The following ST14 variants were observed in gnomAD, a reference collection of about 807,000 sequenced individuals.
The protein encoded by ST14 is suppressor of tumorigenicity 14 protein.
Under a neutral mutation model 96.5 loss-of-function variants are expected in ST14, and 40 were observed. That is an observed-to-expected ratio of 0.41 (90% confidence interval 0.32 to 0.54). The LOEUF is 0.54. ST14 is among the 20% of genes least tolerant of loss of function. The pLI, the probability that ST14 is intolerant of heterozygous loss-of-function variation, is 0.17. For synonymous variants in ST14, 506 were observed against 492.1 expected (o/e 1.03, Z -0.37); for missense variants, 1,066 against 1,188.9 (o/e 0.90, Z 1.52).
intron 8 of ST14, 114 bp from the exon 9 acceptor site, chr11:130,194,526 G>T: frequency 8.2e-7 from 1 of 1,212,784 alleles, no homozygotes; most frequent in Admixed American, 1.9e-5. Flanking sequence ...CACCTGCTGT[G>T]CAGCATCCAC....
At position 130,209,891 on chromosome 11, in the gene ST14, C is replaced by A. The variant is rs1266181849; in HGVS notation, c.*68C>A. On this transcript the variant is annotated 3_prime_UTR_variant, in exon 19 of 19. Transcript: ENST00000278742. ...TCGTCCACCCCAGTGTGCACGCCTGCAGGCTGGAGACTGGACCGCTGACTG... is the reference window on the plus strand; with the variant it reads ...TCGTCCACCCCAGTGTGCACGCCTGAAGGCTGGAGACTGGACCGCTGACTG... 1 of 1,581,988 alleles carries A rather than the reference C, an allele frequency of 6.3e-7. No homozygotes were observed. The highest frequency in any genetic ancestry group is 8.6e-7 in the Non-Finnish European group (1 of 1,162,302).
chr11:130,197,471 G>A (rs1034988036), intron 11 of ST14, among the ~76,000 whole-genome samples: 5 of 152,288 alleles, frequency 3.3e-5, no homozygotes, highest in Admixed American at 6.5e-5. Flanking sequence ...CCAGCTGAGC[G>A]TCACAGGCGG....
chr11:130,201,374 C>A (rs190107100), intron 16 of ST14, among the ~76,000 whole-genome samples: 4 of 152,376 alleles, frequency 2.6e-5, no homozygotes, highest in Admixed American at 2.6e-4. Context: ...CCATGGTAGG[C>A]AGCTCCAGGA....
chr11:130,172,276 A>G (rs776744437), intron 1 of ST14, among the ~76,000 whole-genome samples: 20 of 151,072 alleles, frequency 1.3e-4, no homozygotes, highest in Admixed American at 6.6e-5. Flanking sequence ...AATTTTTTTA[A>G]AAAATTTTTG....
chr11:130,198,000 G>C (rs985353982), intron 12 of ST14, 55 bp downstream of exon 12: 1 of 1,493,848 alleles, frequency 6.7e-7, no homozygotes, highest in Non-Finnish European at 9.1e-7. Context: ...CCCTGCCCGC[G>C]TCCCATGGCC....
chr11:130,202,087 C>T (rs1352067002), intron 16 of ST14, among the ~76,000 whole-genome samples: 1 of 152,210 alleles, frequency 6.6e-6, no homozygotes, highest in Admixed American at 6.5e-5. Flanking sequence ...TTAGTGTGTT[C>T]ATTGTCACCA....
At chr11:130,192,635 G>T (rs1170212656) in intron 7 of ST14, among the ~76,000 whole-genome samples, 3 of 152,134 alleles carry the variant, frequency 2.0e-5, no homozygotes, top group East Asian at 1.9e-4. Flanking sequence ...CAGGCAATCT[G>T]CCTGCCTTGG....
At chr11:130,175,517 T>C (rs1249165986) in intron 1 of ST14, among the ~76,000 whole-genome samples, 40 of 139,642 alleles carry the variant, frequency 2.9e-4, no homozygotes, top group Middle Eastern at 9.0e-3. Context: ...GTAGCTGGGA[T>C]TACAGGCATG....
rs927521280 is a variant in ST14, at chr11:130,190,150, T to C, written c.634+2T>C. ...AAACAGTACAGAGGACCCAGGACAG[T>C]AAGTATCGTGCCCGCCTCCTCTTCT... On this transcript the variant is annotated splice_donor_variant, in intron 6 of 18. Coordinates refer to ENST00000278742, the MANE Select transcript of ST14 (RefSeq NM_021978.4). LOFTEE classifies it high-confidence loss of function. The C allele has an allele frequency of 6.2e-7, 1 of 1,614,184 alleles. No individual in the cohort carries two copies.
chr11:130,204,996 G>T (rs990496995), intron 16 of ST14, among the ~76,000 whole-genome samples: 3 of 152,044 alleles, frequency 2.0e-5, no homozygotes, highest in African/African-American at 7.3e-5. Context: ...AAAATGAAGC[G>T]GGTCTTCATG....
chr11:130,200,597 G>T (rs1953417856), intron 16 of ST14, among the ~76,000 whole-genome samples: 1 of 152,120 alleles, frequency 6.6e-6, no homozygotes, highest in African/African-American at 2.4e-5. Context: ...CCAACACTGG[G>T]GATCCCATTT....
Position 130,209,987 on chromosome 11 carries a change from G to A in ST14, c.*164G>A. Reference sequence around the variant, plus strand: ...TCCAAATCTGCCTAGAAAACCTCTCGCTTCCTCAGCCTCCAAAGTGGAGCT... The same window carrying A: ...TCCAAATCTGCCTAGAAAACCTCTCACTTCCTCAGCCTCCAAAGTGGAGCT... On this transcript the variant is annotated 3_prime_UTR_variant, in exon 19 of 19. Coordinates refer to ENST00000278742, the MANE Select transcript of ST14 (RefSeq NM_021978.4). 3 of 854,042 alleles carry A rather than the reference G, an allele frequency of 3.5e-6. No homozygotes were observed. Among genetic ancestry groups the A allele is most frequent in the Non-Finnish European group, 5.3e-6 (3 of 565,284 alleles). The allele number at this position is 854,042 out of a possible 1,614,324, so 52.9% of individuals were successfully genotyped here.
chr11:130,203,446 C>T (rs183330461), intron 16 of ST14, among the ~76,000 whole-genome samples: 19 of 152,304 alleles, frequency 1.2e-4, no homozygotes, highest in African/African-American at 3.4e-4. Flanking sequence ...CTGCACCACT[C>T]GAGCCCAGAG....
rs7951683 is a variant in ST14, at chr11:130,191,460, C to T, written c.875+766C>T. On this transcript the variant is annotated intron_variant, in intron 7 of 18. Transcript: ENST00000278742. ...AGCCCAGCACTTTGGGAGGCCAAGGCGGCTGGATCACTTGCGGTCAGGAGT... is the reference window on the plus strand; with the variant it reads ...AGCCCAGCACTTTGGGAGGCCAAGGTGGCTGGATCACTTGCGGTCAGGAGT... Among the ~76,000 whole-genome samples, 353 of 152,052 alleles carry T rather than the reference C, an allele frequency of 2.3e-3. 2 individuals carry two copies. Among genetic ancestry groups the T allele is most frequent in the African/African-American group, 8.1e-3 (334 of 41,462 alleles).
In ST14 at chr11:130,196,679, C is replaced by G. The variant is rs755380401; in HGVS notation, c.1333C>G (p.Leu445Val). 5 of 1,614,234 alleles carry G rather than the reference C, an allele frequency of 3.1e-6. No individual in the cohort carries two copies. Among genetic ancestry groups the G allele is most frequent in the Non-Finnish European group, 4.2e-6 (5 of 1,180,038 alleles). Residue 445 changes from leucine to valine, a missense_variant, in exon 11 of 19, where the codon CTC becomes GTC. Coordinates refer to ENST00000278742, the MANE Select transcript of ST14 (RefSeq NM_021978.4). ...CGACACCGGCTTCTTAGCTGAATAC[C>G]TCTCCTACGACTCCAGTGACCGTGA... Reference protein sequence around the residue: ...YTDTGFLAEYLSYDSSDPCPG... With the variant: ...YTDTGFLAEYVSYDSSDPCPG...
At chr11:130,189,337 G>A (rs910257917) in intron 4 of ST14, 5 of 440,496 alleles carry the variant, frequency 1.1e-5, no homozygotes, top group Non-Finnish European at 2.1e-5. Context: ...TATTCTCAAA[G>A]TGCTTTTTAT....
At chr11:130,178,800 G>A (rs1012398416) in intron 1 of ST14, among the ~76,000 whole-genome samples, 2 of 152,202 alleles carry the variant, frequency 1.3e-5, no homozygotes, top group African/African-American at 4.8e-5. Flanking sequence ...GCGGCTGAGG[G>A]CGGCGACGGG....
intron 1 of ST14, among the ~76,000 whole-genome samples, chr11:130,163,504 T>G (rs1481861768): frequency 6.6e-6 from 1 of 152,206 alleles, no homozygotes; most frequent in African/African-American, 2.4e-5. Flanking sequence ...CCTCCTTGTC[T>G]CAGACTTCTA....
chr11:130,209,234 C>G (rs188192157), intron 17 of ST14, among the ~76,000 whole-genome samples: 1 of 152,234 alleles, frequency 6.6e-6, no homozygotes, highest in African/African-American at 2.4e-5. Flanking sequence ...TCCCTCTCAA[C>G]TCGCCTGGCA....
Sources: gnomAD v4.1 joint callset for allele counts (sites outside exome capture counted in the v4.1 genomes callset) on GRCh38, gnomAD v4.1.1 for gene constraint, MANE v1.5 for transcripts, NCBI Gene and HGNC (gene_info 2026-07-23, HGNC 2026-07-21) for gene names.